ZNF346: variants seen among roughly 807,000 people sequenced by gnomAD.
ZNF346 encodes the protein zinc finger protein 346.
A neutral mutation model predicts 33.7 loss-of-function variants in ZNF346; 23 were observed. The ratio of observed to expected loss-of-function variants is 0.68; its 90% CI spans 0.49 to 0.97. The LOEUF is 0.97. Ranked by LOEUF, ZNF346 falls within the 50% of genes least tolerant of loss-of-function variation. The pLI is 0.00. For synonymous variants in ZNF346, 134 were observed against 142.4 expected (o/e 0.94, Z 0.42); for missense variants, 340 against 371.1 (o/e 0.92, Z 0.69).
At chr5:177,070,117 G>A (rs1413230005), downstream of ZNF346, among the ~76,000 whole-genome samples, 1 of 152,190 alleles carries the variant, frequency 6.6e-6, no homozygotes, top group Non-Finnish European at 1.5e-5. Context: ...AGCTTGTCTA[G>A]ACACTGCCAA....
In ZNF346 at chr5:177,064,845, TG is replaced by T. The variant is rs1783001330; in HGVS notation, c.*248del. ...TTGAGAGACTCGGGGTCTCGCGGGG[TG>T]GTAGTTTGGAGGGTGGCTTTCCCCA... On this transcript the variant is annotated 3_prime_UTR_variant, in exon 7 of 7. Coordinates refer to ENST00000358149, the MANE Select transcript of ZNF346 (RefSeq NM_012279.4). 2 of 496,446 alleles carry T rather than the reference TG, an allele frequency of 4.0e-6. No individual in the cohort carries two copies. Among genetic ancestry groups the T allele is most frequent in the Non-Finnish European group, 7.2e-6 (2 of 277,006 alleles). 30.8% of individuals were successfully genotyped at this position (496,446 alleles called of 1,614,324 possible). A position where few individuals can be genotyped will look rare whatever the true frequency, so the allele number is the denominator to read the frequency against.
chr5:177,070,676 T>A (rs1156891180), downstream of ZNF346, among the ~76,000 whole-genome samples: 2 of 152,180 alleles, frequency 1.3e-5, no homozygotes, highest in Non-Finnish European at 2.9e-5. Context: ...CTTTCTATTG[T>A]TGACCTGAAG....
Position 177,050,835 on chromosome 5 carries a change from A to G in ZNF346, c.602A>G (p.Gln201Arg). The G allele has an allele frequency of 6.2e-7, 1 of 1,614,226 alleles. No homozygotes were observed. Among genetic ancestry groups the G allele is most frequent in the Non-Finnish European group, 8.5e-7 (1 of 1,180,040 alleles). ...ACTTTCAACGACCCTGTCATGGCTC[A>G]ACAACATTATGTGGGCAAGAAACAC... ...HATFNDPVMA[Q>R]QHYVGKKHRK... Residue 201 changes from glutamine (Q) to arginine (R), a missense_variant, in exon 5 of 7, where the codon CAA becomes CGA. Coordinates refer to ENST00000358149, the MANE Select transcript of ZNF346 (RefSeq NM_012279.4).
In ZNF346 at chr5:177,066,261, A is replaced by G. The variant is rs1008365929; in HGVS notation, c.*1662A>G. On this transcript the variant is annotated 3_prime_UTR_variant, in exon 7 of 7. Transcript: ENST00000358149. Reference sequence around the variant, plus strand: ...GGGGATCTGCTTTATGTTTGAGAGAACTGTTCTGGCTGTTATGTAAAGGAG... The same window carrying G: ...GGGGATCTGCTTTATGTTTGAGAGAGCTGTTCTGGCTGTTATGTAAAGGAG... 6.6e-6 allele frequency among the ~76,000 whole-genome samples: 1 copy of G among 151,340 alleles called. No individual in the cohort carries two copies. The highest frequency in any genetic ancestry group is 1.5e-5 in the Non-Finnish European group (1 of 67,890).
At chr5:177,057,829 T>C (rs187772439) in intron 5 of ZNF346, among the ~76,000 whole-genome samples, 121 of 150,290 alleles carry the variant, frequency 8.1e-4, no homozygotes, top group African/African-American at 2.8e-3. Context: ...TATTTATTTA[T>C]TTATTTATTG....
At chr5:177,032,537 A>T (rs1232607162) in intron 1 of ZNF346, among the ~76,000 whole-genome samples, 1 of 151,800 alleles carries the variant, frequency 6.6e-6, no homozygotes, top group East Asian at 1.9e-4. Flanking sequence ...CAGCCTGCTG[A>T]GTTAGCTGGG....
exon 9 of ZNF346, chr5:177,080,458 G>A (rs1470740101): frequency 6.6e-6 from 1 of 152,262 alleles, no homozygotes; most frequent in Non-Finnish European, 1.5e-5. Context: ...CACAGAAGAT[G>A]AAACTGAGGC....
At chr5:177,061,965 G>T in intron 5 of ZNF346, 93 bp from the exon 6 acceptor site, 1 of 1,114,888 alleles carries the variant, frequency 9.0e-7, no homozygotes, top group Middle Eastern at 2.1e-4. Flanking sequence ...TCACCTGTCC[G>T]TCCTTAGAAG....
intron 1 of ZNF346, among the ~76,000 whole-genome samples, chr5:177,034,333 C>T (rs1778167679): frequency 6.6e-6 from 1 of 152,046 alleles, no homozygotes; most frequent in Admixed American, 6.6e-5. Context: ...AAACGATCCT[C>T]CCACCTCAGC....
rs1782991682 is a variant in ZNF346, at chr5:177,064,774, C to T, written c.*175C>T. 3 of 610,384 alleles carry T rather than the reference C, an allele frequency of 4.9e-6. No homozygotes were observed. The highest frequency in any genetic ancestry group is 8.8e-6 in the Non-Finnish European group (3 of 340,738). The allele number at this position is 610,384 out of a possible 1,614,324, so 37.8% of individuals were successfully genotyped here. On this transcript the variant is annotated 3_prime_UTR_variant, in exon 7 of 7. Coordinates refer to ENST00000358149, the MANE Select transcript of ZNF346 (RefSeq NM_012279.4). Reference sequence around the variant, plus strand: ...CCGGGCTAATTCACTCCTGCTGCTCCCCTTTGGCAGGGGTCCTGTAGGTCA... The same window carrying T: ...CCGGGCTAATTCACTCCTGCTGCTCTCCTTTGGCAGGGGTCCTGTAGGTCA...
intron 1 of ZNF346, among the ~76,000 whole-genome samples, chr5:177,036,830 G>A (rs972086211): frequency 1.3e-5 from 2 of 152,170 alleles, no homozygotes; most frequent in Non-Finnish European, 2.9e-5. Context: ...ATTGCAGGAA[G>A]GGCTGAGAGC....
At chr5:177,068,948 C>A (rs1309780126), downstream of ZNF346, among the ~76,000 whole-genome samples, 1 of 143,386 alleles carries the variant, frequency 7.0e-6, no homozygotes, top group Admixed American at 6.7e-5. Context: ...GGGGCAGTCA[C>A]CCTCCAGATC....
At chr5:177,035,633 CTTTTTTT>C (rs57259759) in intron 1 of ZNF346, among the ~76,000 whole-genome samples, 1 of 102,050 alleles carries the variant, frequency 9.8e-6, no homozygotes, top group Admixed American at 1.1e-4. Flanking sequence ...GGCTAATTGA[CTTTTTTT>C]TTTTTTTTTT....
intron 4 of ZNF346, among the ~76,000 whole-genome samples, chr5:177,045,443 C>G (rs957108851): frequency 6.6e-6 from 1 of 151,926 alleles, no homozygotes; most frequent in Non-Finnish European, 1.5e-5. Flanking sequence ...CAAGCTCTAC[C>G]TCCCAGGTTC....
At chr5:177,041,351 A>C (rs560531369) in intron 2 of ZNF346, 122 bp downstream of exon 2, 4 of 760,396 alleles carry the variant, frequency 5.3e-6, no homozygotes, top group East Asian at 2.5e-5. Flanking sequence ...GCCTCCATGC[A>C]TGTTGGCTTG....
At chr5:177,073,457 C>T (rs1196989362) in intron 8 of ZNF346, among the ~76,000 whole-genome samples, 1 of 152,150 alleles carries the variant, frequency 6.6e-6, no homozygotes, top group African/African-American at 2.4e-5. Context: ...GCGCACACCA[C>T]CACACCCAGC....
At position 177,022,834 on chromosome 5, in the gene ZNF346, C is replaced by T. The variant is rs1581750027; in HGVS notation, c.96C>T (p.Asp32=). The stretch of plus-strand genomic sequence containing the variant: ...AGTTGCTGGAGGGCCAGGAGCCGGA[C>T]GGGGTGCGCTTTGACCGCGAGAGGG... The part of the protein sequence containing the change: ...SSELLEGQEP[D]GVRFDRERAR... The change falls in exon 1 of 7, where the codon GAC becomes GAT. Residue 32 remains aspartate, a synonymous_variant. Transcript: ENST00000358149. 1 of 1,538,686 alleles carries T rather than the reference C, an allele frequency of 6.5e-7. No homozygotes were observed. Among genetic ancestry groups the T allele is most frequent in the African/African-American group, 1.4e-5 (1 of 72,128 alleles).
chr5:177,068,097 G>T (rs183339746), downstream of ZNF346, among the ~76,000 whole-genome samples: 2 of 144,958 alleles, frequency 1.4e-5, 1 homozygote, highest in Non-Finnish European at 2.9e-5. Flanking sequence ...TATGAGTGAG[G>T]ACCAGAGTAC....
downstream of ZNF346, among the ~76,000 whole-genome samples, chr5:177,070,498 G>A (rs1783450403): frequency 6.6e-6 from 1 of 152,004 alleles, no homozygotes; most frequent in Non-Finnish European, 1.5e-5. Flanking sequence ...CAGGTTCTGG[G>A]AAGCAAGCAG....
Sources: gnomAD v4.1 joint callset for allele counts (sites outside exome capture counted in the v4.1 genomes callset) on GRCh38, gnomAD v4.1.1 for gene constraint, MANE v1.5 for transcripts, NCBI Gene and HGNC (gene_info 2026-07-23, HGNC 2026-07-21) for gene names.